ARB2A: variants seen among roughly 807,000 people sequenced by gnomAD.
ARB2A encodes ARB2 cotranscriptional regulator A.
chr5:94,006,897 C>T, the ARB2A span, among the ~76,000 whole-genome samples: 1 of 152,162 alleles, frequency 6.6e-6, no homozygotes, highest in Non-Finnish European at 1.5e-5. Flanking sequence ...AAAGTGTTAG[C>T]TATTTCAAAA....
chr5:93,793,079 T>C, the ARB2A span, among the ~76,000 whole-genome samples: 1 of 151,620 alleles, frequency 6.6e-6, no homozygotes, highest in Non-Finnish European at 1.5e-5. Context: ...ATTTTTTTAT[T>C]TTTATTTTTA....
the ARB2A span, among the ~76,000 whole-genome samples, chr5:93,640,556 G>A: frequency 6.9e-6 from 1 of 144,494 alleles, no homozygotes; most frequent in African/African-American, 2.7e-5. Context: ...TCCTATAGGG[G>A]TGTGTGTGTG....
chr5:94,084,682 C>T, the ARB2A span, among the ~76,000 whole-genome samples: 3 of 151,972 alleles, frequency 2.0e-5, no homozygotes, highest in Admixed American at 1.3e-4. Context: ...AACAAATTGA[C>T]AAATAGAACA....
chr5:93,811,772 G>A, the ARB2A span, among the ~76,000 whole-genome samples: 1 of 152,106 alleles, frequency 6.6e-6, no homozygotes, highest in African/African-American at 2.4e-5. Context: ...GATAGTGCCC[G>A]GTGCATTATC....
the ARB2A span, among the ~76,000 whole-genome samples, chr5:93,766,719 G>A: frequency 6.6e-6 from 1 of 152,094 alleles, no homozygotes; most frequent in East Asian, 1.9e-4. Context: ...AAATCATGCT[G>A]CTATAAAGAC....
the ARB2A span, among the ~76,000 whole-genome samples, chr5:93,672,055 G>A: frequency 1.3e-5 from 2 of 152,216 alleles, no homozygotes; most frequent in South Asian, 2.1e-4. Context: ...GGTCTAAGTC[G>A]TGTTGAGAAT....
At chr5:93,785,466 A>G in the ARB2A span, among the ~76,000 whole-genome samples, 2 of 152,312 alleles carry the variant, frequency 1.3e-5, no homozygotes, top group South Asian at 2.1e-4. Flanking sequence ...TATCAAAAAT[A>G]TAATAGTGCA....
At chr5:93,996,654 A>C in the ARB2A span, among the ~76,000 whole-genome samples, 1 of 152,094 alleles carries the variant, frequency 6.6e-6, no homozygotes, top group African/African-American at 2.4e-5. Flanking sequence ...GTCTCCAAAA[A>C]TAAACTGCTT....
the ARB2A span, among the ~76,000 whole-genome samples, chr5:93,660,125 T>G: frequency 6.6e-6 from 1 of 152,120 alleles, no homozygotes; most frequent in Non-Finnish European, 1.5e-5. Context: ...AATAATTTCA[T>G]AGAAAACATT....
chr5:93,944,449 A>G, the ARB2A span, among the ~76,000 whole-genome samples: 23 of 152,106 alleles, frequency 1.5e-4, no homozygotes, highest in Non-Finnish European at 2.9e-4. Context: ...ATAAATAAAT[A>G]AAAGTGTGCC....
chr5:94,061,233 G>A, the ARB2A span, among the ~76,000 whole-genome samples: 6 of 151,964 alleles, frequency 3.9e-5, no homozygotes, highest in Middle Eastern at 3.4e-3. Flanking sequence ...GCAAGACTCC[G>A]TCTCAAAAAA....
the ARB2A span, among the ~76,000 whole-genome samples, chr5:93,773,762 T>A: frequency 6.6e-6 from 1 of 152,146 alleles, no homozygotes; most frequent in Non-Finnish European, 1.5e-5. Flanking sequence ...CCATATGTTA[T>A]GGTAATCTGT....
chr5:93,652,593 A>G, the ARB2A span, among the ~76,000 whole-genome samples: 301 of 152,308 alleles, frequency 2.0e-3, no homozygotes, highest in African/African-American at 6.7e-3. Context: ...GGTACTCTAG[A>G]TTTGTTGGTA....
chr5:94,019,829 T>G, the ARB2A span, among the ~76,000 whole-genome samples: 8 of 152,094 alleles, frequency 5.3e-5, no homozygotes, highest in African/African-American at 1.7e-4. Context: ...AGGACATGAC[T>G]TCACCCCTCC....
the ARB2A span, among the ~76,000 whole-genome samples, chr5:94,062,655 GA>G: frequency 6.6e-6 from 1 of 152,182 alleles, no homozygotes; most frequent in African/African-American, 2.4e-5. Context: ...TCTAGAGAAG[GA>G]GCTCATGCTG....
the ARB2A span, among the ~76,000 whole-genome samples, chr5:93,856,657 A>G: frequency 5.9e-5 from 9 of 151,928 alleles, no homozygotes; most frequent in African/African-American, 1.9e-4. Context: ...ACTTCTCTGT[A>G]TTGGTTATTC....
At chr5:93,692,546 A>T in the ARB2A span, among the ~76,000 whole-genome samples, 1 of 152,232 alleles carries the variant, frequency 6.6e-6, no homozygotes, top group Non-Finnish European at 1.5e-5. Context: ...AGATTCATAA[A>T]GCAAGTTCTT....
chr5:93,917,238 G>T, the ARB2A span, among the ~76,000 whole-genome samples: 109 of 152,244 alleles, frequency 7.2e-4, no homozygotes, highest in Non-Finnish European at 1.2e-3. Context: ...TAATGTTGAT[G>T]ATATTGCTAC....
At chr5:94,087,193 A>C in the ARB2A span, among the ~76,000 whole-genome samples, 1 of 152,210 alleles carries the variant, frequency 6.6e-6, no homozygotes, top group Non-Finnish European at 1.5e-5. Flanking sequence ...TAAAGAAAGA[A>C]AATACTTTTG....
Sources: allele counts gnomAD v4.1 joint callset (sites outside exome capture counted in the v4.1 genomes callset), GRCh38; gene constraint gnomAD v4.1.1; transcripts MANE v1.5; gene names NCBI Gene and HGNC (gene_info 2026-07-23, HGNC 2026-07-21).